Variants in DOCK10 observed in about 807,000 individuals in gnomAD.
The protein encoded by DOCK10 is dedicator of cytokinesis protein 10.
A neutral mutation model predicts 280.1 loss-of-function variants in DOCK10; 145 were observed. That is an observed-to-expected ratio of 0.52 (90% CI 0.45 to 0.59). The LOEUF is 0.59. DOCK10 is among the 20% of genes least tolerant of loss of function. DOCK10 has a pLI of 0.00. For missense variants in DOCK10, 2,368 were observed against 2,651.7 expected, an observed-to-expected ratio of 0.89 and a Z score of 2.35; for synonymous variants, 915 against 942.2, an observed-to-expected ratio of 0.97 and a Z score of 0.53.
At chr2:224,894,904 T>C (rs1699896982) in intron 4 of DOCK10, among the ~76,000 whole-genome samples, 1 of 152,182 alleles carries the variant, frequency 6.6e-6, no homozygotes, top group African/African-American at 2.4e-5. Flanking sequence ...ACACCCCTGG[T>C]TGAAATTTCC....
chr2:224,962,377 C>T (rs188756278), intron 1 of DOCK10, among the ~76,000 whole-genome samples: 1 of 152,262 alleles, frequency 6.6e-6, no homozygotes, highest in African/African-American at 2.4e-5. Context: ...TAAATAAGCA[C>T]TGTAGTCAGC....
At chr2:224,950,373 C>T (rs4673126) in intron 1 of DOCK10, among the ~76,000 whole-genome samples, 80,529 of 151,896 alleles carry the variant, frequency 0.53, 23,138 homozygotes, top group Non-Finnish European at 0.63. Flanking sequence ...CATCCAACAA[C>T]CCTGTGAGGT....
intron 3 of DOCK10, among the ~76,000 whole-genome samples, chr2:224,899,224 A>T (rs1452722873): frequency 2.0e-5 from 3 of 152,220 alleles, no homozygotes; most frequent in African/African-American, 7.2e-5. Flanking sequence ...TTTACTTCAT[A>T]ACATATTCTA....
intron 1 of DOCK10, among the ~76,000 whole-genome samples, chr2:225,005,893 A>C (rs1689234159): frequency 6.6e-6 from 1 of 152,208 alleles, no homozygotes; most frequent in Non-Finnish European, 1.5e-5. Flanking sequence ...CACCCAAAAT[A>C]ATTTAGAGAT....
intron 1 of DOCK10, among the ~76,000 whole-genome samples, chr2:225,005,580 C>T (rs1035467124): frequency 1.2e-4 from 18 of 152,130 alleles, no homozygotes; most frequent in African/African-American, 4.3e-4. Flanking sequence ...TTGACGTAAA[C>T]AGGACAACAG....
intron 2 of DOCK10, among the ~76,000 whole-genome samples, chr2:224,924,018 G>A (rs1701920635): frequency 6.6e-6 from 1 of 152,184 alleles, no homozygotes; most frequent in Non-Finnish European, 1.5e-5. Context: ...TATAACAACT[G>A]TAAAATAAGT....
At chr2:224,855,574 G>A (rs1350170731) in intron 15 of DOCK10, among the ~76,000 whole-genome samples, 3 of 151,982 alleles carry the variant, frequency 2.0e-5, no homozygotes, top group East Asian at 1.9e-4. Context: ...TAGTGTATGC[G>A]GACACCCCTT....
intron 19 of DOCK10, 60 bp downstream of exon 19, chr2:224,849,447 T>A (rs576875805): frequency 8.0e-7 from 1 of 1,249,738 alleles, no homozygotes; most frequent in South Asian, 1.3e-5. Flanking sequence ...TGCACGGTTA[T>A]CTGAACATTT....
At chr2:224,930,201 A>T (rs972615731) in intron 2 of DOCK10, among the ~76,000 whole-genome samples, 4 of 92,410 alleles carry the variant, frequency 4.3e-5, no homozygotes, top group African/African-American at 8.2e-5. Context: ...GACACTCGGT[A>T]AAAAAAAAAA....
chr2:225,013,903 G>C (rs1370179704), intron 1 of DOCK10, among the ~76,000 whole-genome samples: 1 of 152,022 alleles, frequency 6.6e-6, no homozygotes, highest in African/African-American at 2.4e-5. Context: ...GGAGGCAATA[G>C]TAAGTGACAA....
chr2:224,789,227 T>C (rs956957849), intron 47 of DOCK10, 57 bp from the exon 48 acceptor site: 2 of 1,078,088 alleles, frequency 1.9e-6, no homozygotes, highest in Admixed American at 4.0e-5. Flanking sequence ...TTGCTTAGAT[T>C]AGATAATGCC....
chr2:224,922,312 T>C (rs1211383955), intron 2 of DOCK10, among the ~76,000 whole-genome samples: 1 of 152,184 alleles, frequency 6.6e-6, no homozygotes, highest in Non-Finnish European at 1.5e-5. Context: ...AATTTTTTCT[T>C]TTCTGAGAAT....
chr2:224,904,237 C>T (rs1191332661), intron 3 of DOCK10, among the ~76,000 whole-genome samples: 1 of 151,708 alleles, frequency 6.6e-6, no homozygotes, highest in African/African-American at 2.4e-5. Context: ...AAGTACACAC[C>T]CAATAAAAAG....
intron 24 of DOCK10, among the ~76,000 whole-genome samples, 190 bp downstream of exon 24, chr2:224,839,764 G>T (rs2125452741): frequency 6.6e-6 from 1 of 152,290 alleles, no homozygotes; most frequent in East Asian, 1.9e-4. Context: ...CAAAGAAAAA[G>T]AGGTCTAACA....
At chr2:224,823,073 C>T (rs535972683) in intron 28 of DOCK10, among the ~76,000 whole-genome samples, 19 of 147,812 alleles carry the variant, frequency 1.3e-4, no homozygotes, top group East Asian at 4.0e-4. Flanking sequence ...CTGCAACCTC[C>T]GCCTCCCAGG....
chr2:224,955,401 G>C (rs1703980675), intron 1 of DOCK10, among the ~76,000 whole-genome samples: 1 of 152,174 alleles, frequency 6.6e-6, no homozygotes, highest in Non-Finnish European at 1.5e-5. Context: ...AAGCAATTTT[G>C]AGAAGGAAAC....
chr2:224,872,758 A>G (rs1270573478), intron 11 of DOCK10, among the ~76,000 whole-genome samples: 1 of 152,196 alleles, frequency 6.6e-6, no homozygotes, highest in Non-Finnish European at 1.5e-5. Flanking sequence ...TGTGACTCCT[A>G]TCAAGGATCT....
At chr2:224,983,843 T>A (rs1705875202) in intron 1 of DOCK10, 1 of 470,990 alleles carries the variant, frequency 2.1e-6, no homozygotes, top group Non-Finnish European at 4.4e-6. Flanking sequence ...ATGCTAATGA[T>A]GCTGGCAAGT....
Position 224,862,681 on chromosome 2 carries a change from A to T in DOCK10, c.1668T>A (p.Pro556=), listed in dbSNP as rs762100177. The T allele has an allele frequency of 1.9e-6, 3 of 1,613,048 alleles. No individual in the cohort carries two copies. In the South Asian group the frequency reaches 3.3e-5, roughly 18 times the overall value. The change falls in exon 14 of 56, where the codon CCT becomes CCA. Residue 556 remains proline, a synonymous_variant. Coordinates refer to ENST00000258390, the MANE Select transcript of DOCK10 (RefSeq NM_014689.3). ...FCSKLGKYRM[P]FAWAVRSVFK... is the part of the protein sequence containing the mutation. ...CAACATACCTTACTGCCCAAGCAAA[A>T]GGCATACGGTATTTTCCCAATTTGC...
Sources: gnomAD v4.1 joint callset for allele counts (sites outside exome capture counted in the v4.1 genomes callset) on GRCh38, gnomAD v4.1.1 for gene constraint, MANE v1.5 for transcripts, NCBI Gene and HGNC (gene_info 2026-07-23, HGNC 2026-07-21) for gene names.